Variants in EHD4 observed in about 807,000 individuals in gnomAD.
EHD4 encodes EH domain-containing protein 4.
A neutral mutation model predicts 51.0 loss-of-function variants in EHD4; 37 were observed. The ratio of observed to expected loss-of-function variants is 0.73; its 90% CI spans 0.56 to 0.95. The LOEUF (loss-of-function observed/expected upper bound fraction) is 0.95. Among genes scored for constraint, EHD4 ranks in the 40% least tolerant of loss-of-function variants. EHD4 has a pLI of 0.00. For missense variants in EHD4, 632 were observed against 733.1 expected, an observed-to-expected ratio of 0.86 and a Z score of 1.59; for synonymous variants, 297 against 317.3, an observed-to-expected ratio of 0.94 and a Z score of 0.68.
chr15:41,966,479 C>G lies in EHD4; in HGVS notation c.236+5780G>C, dbSNP rs142454216. On this transcript the variant is annotated intron_variant, in intron 1 of 5. Transcript: ENST00000220325. The stretch of plus-strand genomic sequence containing the variant: ...ACGTGGTTGGTGGGGCTGACCTCCC[C>G]ACTCCCCACATTTCATGCCCCTGCC... Among the ~76,000 whole-genome samples, 42 of 152,320 alleles carry G rather than the reference C, an allele frequency of 2.8e-4. No individual in the cohort carries two copies. The East Asian group carries it at 7.5e-3, about 27-fold the overall frequency.
chr15:41,907,746 C>T (rs1481849137), intron 5 of EHD4, among the ~76,000 whole-genome samples: 1 of 151,864 alleles, frequency 6.6e-6, no homozygotes, highest in Non-Finnish European at 1.5e-5. Context: ...GGTCTCTTGA[C>T]TCCTAAGCTC....
At chr15:41,934,851 A>G (rs1455065678) in intron 3 of EHD4, among the ~76,000 whole-genome samples, 1 of 152,256 alleles carries the variant, frequency 6.6e-6, no homozygotes, top group Non-Finnish European at 1.5e-5. Flanking sequence ...ACTGAGTGGC[A>G]GGCCCAGGGC....
At chr15:41,939,809 A>C (rs893494749) in intron 3 of EHD4, among the ~76,000 whole-genome samples, 7 of 151,896 alleles carry the variant, frequency 4.6e-5, no homozygotes, top group African/African-American at 1.7e-4. Context: ...AAAAAAAAAA[A>C]AAAAGATTTT....
At chr15:41,960,563 C>A (rs1377602393) in intron 1 of EHD4, among the ~76,000 whole-genome samples, 1 of 151,798 alleles carries the variant, frequency 6.6e-6, no homozygotes, top group Non-Finnish European at 1.5e-5. Flanking sequence ...CTATTTTTTG[C>A]TGTTATAAAT....
At position 41,919,365 on chromosome 15, in the gene EHD4, T is replaced by G. The variant is rs1413482328; in HGVS notation, c.769A>C (p.Ile257Leu). The G allele has an allele frequency of 5.6e-6, 9 of 1,613,892 alleles. No individual in the cohort carries two copies. The highest frequency in any genetic ancestry group is 1.3e-5 in the African/African-American group (1 of 74,890). The change falls in exon 4 of 6, where the codon ATT (isoleucine) becomes CTT (leucine). Residue 257 changes from isoleucine to leucine, a missense_variant. Transcript: ENST00000220325. ...INTPEVLRVY[I>L]GSFWAQPLQN... is the part of the protein sequence containing the mutation. ...AGGGGCTGCGCCCAGAAGGAGCCAA[T>G]GTAGACGCGCAGTACCTCGGGCGTG...
At chr15:41,907,687 T>TC (rs1359514653) in intron 5 of EHD4, among the ~76,000 whole-genome samples, 1 of 151,634 alleles carries the variant, frequency 6.6e-6, no homozygotes, top group Admixed American at 6.6e-5. Flanking sequence ...ACCTGGCCAA[T>TC]TTTTTTGGAT....
intron 3 of EHD4, among the ~76,000 whole-genome samples, chr15:41,927,294 T>G (rs2067669314): frequency 6.6e-6 from 1 of 152,220 alleles, no homozygotes; most frequent in African/African-American, 2.4e-5. Context: ...GCAATCCCAC[T>G]TTGGGTATTT....
chr15:41,940,033 G>T (rs2067758569), intron 3 of EHD4, among the ~76,000 whole-genome samples: 1 of 151,972 alleles, frequency 6.6e-6, no homozygotes, highest in African/African-American at 2.4e-5. Flanking sequence ...TGGCCAAGCT[G>T]GTCTCTAACT....
At chr15:41,931,830 C>T (rs1189772055) in intron 3 of EHD4, among the ~76,000 whole-genome samples, 1 of 152,040 alleles carries the variant, frequency 6.6e-6, no homozygotes, top group Non-Finnish European at 1.5e-5. Flanking sequence ...GCGCACGCCA[C>T]CACGCCTGGC....
At chr15:41,908,908 G>A (rs970599554) in intron 5 of EHD4, among the ~76,000 whole-genome samples, 1 of 152,216 alleles carries the variant, frequency 6.6e-6, no homozygotes, top group African/African-American at 2.4e-5. Flanking sequence ...GCAGGCATCT[G>A]AGTTTGTGGC....
chr15:41,960,859 G>T (rs2067919966), intron 1 of EHD4, among the ~76,000 whole-genome samples: 1 of 152,052 alleles, frequency 6.6e-6, no homozygotes, highest in Non-Finnish European at 1.5e-5. Context: ...TTTTAGTAGA[G>T]ACGGGGTTTT....
Position 41,901,077 on chromosome 15 carries a change from G to T in EHD4, c.1194C>A (p.Asn398Lys). The T allele has an allele frequency of 6.2e-7, 1 of 1,613,044 alleles. No individual in the cohort carries two copies. Among genetic ancestry groups the T allele is most frequent in the Non-Finnish European group, 8.5e-7 (1 of 1,179,534 alleles). Reference protein sequence around the residue: ...MLSNKISPLMNLISQEETSTP... With the variant: ...MLSNKISPLMKLISQEETSTP... ...TGCTCGTCTCCTCCTGGCTGATGAG[G>T]TTCATGAGGGGCGAGATCTTGTTGC... Residue 398 changes from asparagine (N) to lysine (K), a missense_variant, in exon 6 of 6, where the codon AAC becomes AAA. Coordinates refer to ENST00000220325, the MANE Select transcript of EHD4 (RefSeq NM_139265.4).
chr15:41,919,097 T>C (rs913326955), intron 4 of EHD4, 113 bp downstream of exon 4: 2 of 1,387,650 alleles, frequency 1.4e-6, no homozygotes, highest in South Asian at 1.2e-5. Flanking sequence ...ACCTAGCGCA[T>C]GTTCATTCCT....
intron 5 of EHD4, among the ~76,000 whole-genome samples, chr15:41,908,947 C>T (rs559429627): frequency 1.3e-5 from 2 of 152,208 alleles, no homozygotes; most frequent in Non-Finnish European, 2.9e-5. Context: ...ACTGTGGCCC[C>T]CAGGGCAGAG....
intron 2 of EHD4, among the ~76,000 whole-genome samples, chr15:41,950,474 A>G (rs901456606): frequency 7.2e-5 from 11 of 152,234 alleles, no homozygotes; most frequent in Admixed American, 2.0e-4. Flanking sequence ...TTCCCAGAGA[A>G]GTATGCTATG....
chr15:41,910,703 G>C (rs1432778459), intron 4 of EHD4, among the ~76,000 whole-genome samples: 1 of 152,134 alleles, frequency 6.6e-6, no homozygotes, highest in Non-Finnish European at 1.5e-5. Flanking sequence ...CGAGTAGCTG[G>C]GATTACAGGT....
intron 1 of EHD4, among the ~76,000 whole-genome samples, chr15:41,955,923 A>C (rs1420860826): frequency 6.6e-6 from 1 of 152,220 alleles, no homozygotes; most frequent in Non-Finnish European, 1.5e-5. Context: ...GCCTCCACTC[A>C]CGTCCAGTTT....
intron 2 of EHD4, 28 bp downstream of exon 2, chr15:41,953,736 C>T: frequency 6.4e-7 from 1 of 1,566,204 alleles, no homozygotes; most frequent in Non-Finnish European, 8.6e-7. Context: ...AACAGCCTGA[C>T]CGAAGATGGC....
intron 4 of EHD4, among the ~76,000 whole-genome samples, chr15:41,913,081 C>T (rs939459680): frequency 6.6e-6 from 1 of 152,164 alleles, no homozygotes; most frequent in Non-Finnish European, 1.5e-5. Context: ...CTTTATTCTC[C>T]CTTTCCCCAC....
Sources: gnomAD v4.1 joint callset for allele counts (sites outside exome capture counted in the v4.1 genomes callset) on GRCh38, gnomAD v4.1.1 for gene constraint, MANE v1.5 for transcripts, NCBI Gene and HGNC (gene_info 2026-07-23, HGNC 2026-07-21) for gene names.